TAS1R1: variants seen among roughly 807,000 people sequenced by gnomAD.
TAS1R1 encodes the protein taste 1 receptor member 1, also known as taste receptor type 1 member 1.
Under a neutral mutation model 45.8 loss-of-function variants are expected in TAS1R1, and 31 were observed. That is an observed-to-expected ratio of 0.68 (90% CI 0.51 to 0.91). The LOEUF is 0.91. Among genes scored for constraint, TAS1R1 ranks in the 40% least tolerant of loss-of-function variants. TAS1R1 has a pLI of 0.00. For synonymous variants in TAS1R1, 437 were observed against 448.4 expected, an observed-to-expected ratio of 0.97 and a Z score of 0.32; for missense variants, 1,051 against 1,063.9, an observed-to-expected ratio of 0.99 and a Z score of 0.17.
chr1:6,576,347 G>A, intron 3 of TAS1R1, 68 bp from the exon 4 acceptor site: 1 of 1,503,392 alleles, frequency 6.7e-7, no homozygotes, highest in Non-Finnish European at 9.2e-7. Context: ...AAGGCCCCAG[G>A]CCCTTGCTTC....
At chr1:6,560,324 G>A (rs2148667179) in intron 1 of TAS1R1, among the ~76,000 whole-genome samples, 1 of 152,318 alleles carries the variant, frequency 6.6e-6, no homozygotes, top group South Asian at 2.1e-4. Flanking sequence ...GAAAGAACAA[G>A]CAGACCCAAA....
intron 1 of TAS1R1, among the ~76,000 whole-genome samples, chr1:6,568,554 T>C (rs1365028439): frequency 1.3e-5 from 2 of 151,752 alleles, no homozygotes; most frequent in African/African-American, 4.8e-5. Context: ...GGAAAGGAAT[T>C]GGGCAGGATT....
rs771489279 is a variant in TAS1R1 at position 6,578,920 on chromosome 1, G to A, written c.1862G>A (p.Gly621Asp). 1 of 1,613,354 alleles carries A rather than the reference G, an allele frequency of 6.2e-7. No homozygotes were observed. Among genetic ancestry groups the A allele is most frequent in the Non-Finnish European group, 8.5e-7 (1 of 1,179,564 alleles). ...GCAGCAGGTAGTGGCAGCCTCTATG[G>A]CTTCTTTGGGGAACCCACAAGGCCT... ...SLAAGSGSLY[G>D]FFGEPTRPAC... The change falls in exon 6 of 6, where the codon GGC (glycine) becomes GAC (aspartate). Residue 621 changes from glycine (G) to aspartate (D), a missense_variant. Coordinates refer to ENST00000333172, the MANE Select transcript of TAS1R1 (RefSeq NM_138697.4).
chr1:6,579,157 T>G lies in TAS1R1; in HGVS notation c.2099T>G (p.Val700Gly), dbSNP rs1570143981. The change falls in exon 6 of 6, where the codon GTG becomes GGG. Residue 700 changes from valine (V) to glycine (G), a missense_variant. By Grantham distance (109) the Val-to-Gly change is moderately radical. Coordinates refer to ENST00000333172, the MANE Select transcript of TAS1R1 (RefSeq NM_138697.4). ...QLLICLTWLV[V>G]WTPLPAREYQ... ...CTTATCTGTCTAACTTGGCTGGTGGTGTGGACCCCACTGCCTGCTAGGGAA... is the reference window on the plus strand; with the variant it reads ...CTTATCTGTCTAACTTGGCTGGTGGGGTGGACCCCACTGCCTGCTAGGGAA... 3.1e-6 allele frequency: 5 copies of G among 1,614,222 alleles called. No homozygotes were observed. The highest frequency in any genetic ancestry group is 4.2e-6 in the Non-Finnish European group (5 of 1,180,044).
intron 5 of TAS1R1, 98 bp downstream of exon 5, chr1:6,577,168 C>G: frequency 6.5e-7 from 1 of 1,532,130 alleles, no homozygotes; most frequent in Non-Finnish European, 8.8e-7. Flanking sequence ...TGCCCCAGAA[C>G]CAAGGCCCAG....
In TAS1R1 at chr1:6,574,580, C is replaced by T; in HGVS notation, c.499-51C>T. On this transcript the variant is annotated intron_variant, in intron 2 of 5. Transcript: ENST00000333172. The surrounding 1 kb of genome is among the most constrained non-coding windows in gnomAD (Gnocchi z 4.3). Reference sequence around the variant, plus strand: ...CCCACACCCAGCACAGGGCCAGGCACTGGGGGGGCCTTCAGTGGAGACTGA... The same window carrying T: ...CCCACACCCAGCACAGGGCCAGGCATTGGGGGGGCCTTCAGTGGAGACTGA... 6.4e-7 allele frequency: 1 copy of T among 1,556,580 alleles called. No homozygotes were observed. Among genetic ancestry groups the T allele is most frequent in the Non-Finnish European group, 8.7e-7 (1 of 1,149,378 alleles).
rs1570097963 is a variant in TAS1R1 at position 6,555,396 on chromosome 1, T to C, written c.23T>C (p.Leu8Pro). ...AGCATGCTGCTCTGCACGGCTCGCC[T>C]GGTCGGCCTGCAGCTTCTCATTTCC... MLLCTAR[L>P]VGLQLLISCC... Residue 8 changes from leucine (L) to proline (P), a missense_variant, in exon 1 of 6, where the codon CTG (leucine) becomes CCG (proline). Physicochemically the swap from Leu to Pro is moderately conservative, Grantham distance 98 (BLOSUM62 -3). Coordinates refer to ENST00000333172, the MANE Select transcript of TAS1R1 (RefSeq NM_138697.4). The C allele has an allele frequency of 3.7e-6, 6 of 1,602,560 alleles. No homozygotes were observed. The highest frequency in any genetic ancestry group is 5.1e-6 in the Non-Finnish European group (6 of 1,176,078).
At position 6,575,115 on chromosome 1, in the gene TAS1R1, A is replaced by T; in HGVS notation, c.983A>T (p.Lys328Met). The change falls in exon 3 of 6, where the codon AAG becomes ATG. Residue 328 changes from lysine (K) to methionine (M), a missense_variant. Physicochemically the swap from Lys to Met is moderately conservative, Grantham distance 95. Transcript: ENST00000333172. The part of the protein sequence containing the change: ...IGMVLGVAIQ[K>M]RAVPGLKAFE... The stretch of plus-strand genomic sequence containing the variant: ...ATGGTGCTGGGCGTGGCCATCCAGA[A>T]GAGGGCTGTCCCTGGCCTGAAGGCG... 5.0e-6 allele frequency: 8 copies of T among 1,585,756 alleles called. No homozygotes were observed. Among genetic ancestry groups the T allele is most frequent in the Non-Finnish European group, 6.9e-6 (8 of 1,166,376 alleles).
At chr1:6,572,312 A>G (rs1640040167) in intron 2 of TAS1R1, among the ~76,000 whole-genome samples, 2 of 139,338 alleles carry the variant, frequency 1.4e-5, no homozygotes, top group South Asian at 4.4e-4. Flanking sequence ...TCTGACACTC[A>G]GGCTGGAGTG....
At chr1:6,562,874 C>A (rs1456087613) in intron 1 of TAS1R1, among the ~76,000 whole-genome samples, 1 of 152,226 alleles carries the variant, frequency 6.6e-6, no homozygotes, top group African/African-American at 2.4e-5. Flanking sequence ...TTATTGTTTT[C>A]ATCCTCCCAC....
At chr1:6,567,653 C>T (rs1343313278) in intron 1 of TAS1R1, among the ~76,000 whole-genome samples, 3 of 151,788 alleles carry the variant, frequency 2.0e-5, no homozygotes, top group Non-Finnish European at 4.4e-5. Context: ...GCAGTTGGGG[C>T]CTGGGGCCCT....
chr1:6,572,383 C>T (rs1187222058), intron 2 of TAS1R1, among the ~76,000 whole-genome samples: 3 of 151,146 alleles, frequency 2.0e-5, no homozygotes, highest in Admixed American at 6.6e-5. Context: ...CCTCATACTC[C>T]TAAGTAGCTG....
At chr1:6,570,022 G>GAGAGAGAGAGAGA (rs1639969623) in intron 1 of TAS1R1, among the ~76,000 whole-genome samples, 1 of 6,272 alleles carries the variant, frequency 1.6e-4, no homozygotes, top group East Asian at 0.014. Flanking sequence ...AGGGAGGGAG[G>GAGAGAGAGAGAGA]GGGAGAGAGA....
chr1:6,558,210 A>C (rs1011984315), intron 1 of TAS1R1, among the ~76,000 whole-genome samples: 12 of 151,728 alleles, frequency 7.9e-5, no homozygotes, highest in Non-Finnish European at 1.8e-4. Context: ...CTAATTTTTT[A>C]AATTTTTTAT....
intron 2 of TAS1R1, among the ~76,000 whole-genome samples, chr1:6,572,240 C>A (rs1022976804): frequency 6.6e-6 from 1 of 151,158 alleles, no homozygotes; most frequent in African/African-American, 2.4e-5. Context: ...ACTTTGCAGT[C>A]CTTCTTTATC....
At chr1:6,565,674 G>A (rs1456667181) in intron 1 of TAS1R1, among the ~76,000 whole-genome samples, 1 of 152,088 alleles carries the variant, frequency 6.6e-6, no homozygotes, top group East Asian at 1.9e-4. Flanking sequence ...GTGCAGTGGC[G>A]CCACCTCAGC....
intron 1 of TAS1R1, among the ~76,000 whole-genome samples, chr1:6,565,195 C>T (rs765810513): frequency 7.2e-5 from 11 of 151,910 alleles, no homozygotes; most frequent in Non-Finnish European, 1.2e-4. Flanking sequence ...GAAGATACTG[C>T]AATTAGAGAT....
rs779821784 is a variant in TAS1R1, at chr1:6,574,949, G to A, written c.817G>A (p.Val273Ile). ...CCAGGCCGGGGCCACCGTCGTGGTTGTTTTTTCCAGCCGGCAGTTGGCCAG... is the reference window on the plus strand; with the variant it reads ...CCAGGCCGGGGCCACCGTCGTGGTTATTTTTTCCAGCCGGCAGTTGGCCAG... ...LAQAGATVVV[V>I]FSSRQLARVF... The change falls in exon 3 of 6, where the codon GTT becomes ATT. Residue 273 changes from valine (V) to isoleucine (I), a missense_variant. Transcript: ENST00000333172. This position sits in a 1 kb window ranked among gnomAD's most constrained non-coding sequence, Gnocchi z 4.3. 7 of 1,609,866 alleles carry A rather than the reference G, an allele frequency of 4.3e-6. No homozygotes were observed. Among genetic ancestry groups the A allele is most frequent in the East Asian group, 2.2e-5 (1 of 44,764 alleles).
chr1:6,556,122 C>T (rs1639679254), intron 1 of TAS1R1, among the ~76,000 whole-genome samples: 3 of 152,082 alleles, frequency 2.0e-5, no homozygotes, highest in African/African-American at 2.4e-5. Context: ...CTGCCCACCT[C>T]GGCCTCCCAA....
Sources: gnomAD v4.1 joint callset for allele counts (sites outside exome capture counted in the v4.1 genomes callset) on GRCh38, gnomAD v4.1.1 for gene constraint, Gnocchi (gnomAD v3.1) non-coding constraint, MANE v1.5 for transcripts, NCBI Gene and HGNC (gene_info 2026-07-23, HGNC 2026-07-21) for gene names.